Variants in LAMP1 observed in about 807,000 individuals in gnomAD.
The protein encoded by LAMP1 is lysosome-associated membrane glycoprotein 1.
Under a neutral mutation model 37.5 loss-of-function variants are expected in LAMP1, and 7 were observed. The observed-to-expected ratio is 0.19, with a 90% CI of 0.11 to 0.35. LAMP1 has a LOEUF of 0.35. Ranked by LOEUF, LAMP1 falls within the 10% of genes least tolerant of loss-of-function variation. LAMP1 has a pLI of 1.00. For missense variants in LAMP1, 537 were observed against 552.8 expected (o/e 0.97, Z 0.29); for synonymous variants, 236 against 229.1 (o/e 1.03, Z -0.27).
In LAMP1 at chr13:113,319,788, G is replaced by A. The variant is rs1278637070; in HGVS notation, c.750+132G>A. The A allele has an allele frequency of 4.6e-5, 39 of 846,942 alleles. 1 individual carries two copies. In the Admixed American group the frequency reaches 7.3e-4, roughly 16 times the overall value. The allele number at this position is 846,942 out of a possible 1,614,324, so 52.5% of individuals were successfully genotyped here. On this transcript the variant is annotated intron_variant, in intron 5 of 8. Transcript: ENST00000332556. ...AGGATGGGAGCTTAGCTTGCAGGACGTGACCCTAGAGGACAAGAGCTGGCG... is the reference window on the plus strand; with the variant it reads ...AGGATGGGAGCTTAGCTTGCAGGACATGACCCTAGAGGACAAGAGCTGGCG...
chr13:113,309,580 C>T (rs1475356068), intron 2 of LAMP1, 63 bp from the exon 3 acceptor site: 1 of 1,279,540 alleles, frequency 7.8e-7, no homozygotes, highest in Admixed American at 2.0e-5. Flanking sequence ...CAGAAAATCT[C>T]TTTCTTTGAA....
chr13:113,310,621 A>G lies in LAMP1; in HGVS notation c.404-88A>G, dbSNP rs750707573. The stretch of plus-strand genomic sequence containing the variant: ...AATCTAGAAATCAAGACTGGAATCT[A>G]TAACTGACATCAGGGCTAAAATAAA... On this transcript the variant is annotated intron_variant, in intron 3 of 8. Transcript: ENST00000332556. The G allele has an allele frequency of 9.3e-6, 10 of 1,071,898 alleles. No homozygotes were observed. In the Middle Eastern group the frequency reaches 6.6e-4, roughly 71 times the overall value. 66.4% of individuals were successfully genotyped at this position (1,071,898 alleles called of 1,614,324 possible). A position where few individuals can be genotyped will look rare whatever the true frequency, so the allele number is the denominator to read the frequency against.
intron 4 of LAMP1, among the ~76,000 whole-genome samples, chr13:113,315,906 C>T (rs1435079208): frequency 1.3e-5 from 2 of 151,764 alleles, no homozygotes; most frequent in Non-Finnish European, 2.9e-5. Flanking sequence ...AATTCGAGAC[C>T]AGCCTGGCCA....
intron 4 of LAMP1, among the ~76,000 whole-genome samples, chr13:113,317,717 G>A (rs2042674215): frequency 7.1e-6 from 1 of 141,140 alleles, no homozygotes; most frequent in South Asian, 2.3e-4. Flanking sequence ...TTTTTTTTGA[G>A]ACAGGGTCTC....
intron 1 of LAMP1, among the ~76,000 whole-genome samples, chr13:113,300,376 C>CGTG (rs1171644437): frequency 6.6e-6 from 1 of 150,436 alleles, no homozygotes; most frequent in Non-Finnish European, 1.5e-5. Context: ...ATTCCAGCTA[C>CGTG]GTGGGAGGCT....
rs188346513 is a variant in LAMP1, at chr13:113,313,375, C to T, written c.562+2508C>T. Among the ~76,000 whole-genome samples, 470 of 152,332 alleles carry T rather than the reference C, an allele frequency of 3.1e-3. 17 individuals are homozygous for T. The highest frequency in any genetic ancestry group is 0.024 in the Admixed American group (370 of 15,298). ...TCTTAGGTTTCTGTGTATTCTCTGC[C>T]GCTGCGCATGTACAGCCTTCCTCTG... On this transcript the variant is annotated intron_variant, in intron 4 of 8. Transcript: ENST00000332556.
rs2042614505 is a variant in LAMP1, at chr13:113,308,881, T to TAAAC, written c.184-762_184-761insAAAC. ...TACTTTGATGAACATTAAGTGGTTT[T>TAAAC]CCAGTTGCTCGTTTTGCTTATAGTA... On this transcript the variant is annotated intron_variant, in intron 2 of 8. Transcript: ENST00000332556. Among the ~76,000 whole-genome samples, 5 of 152,328 alleles carry TAAAC rather than the reference T, an allele frequency of 3.3e-5. No individual in the cohort carries two copies. In the South Asian group the frequency reaches 1.0e-3, roughly 32 times the overall value.
At chr13:113,304,353 T>C (rs1329382427) in intron 1 of LAMP1, among the ~76,000 whole-genome samples, 5 of 152,246 alleles carry the variant, frequency 3.3e-5, no homozygotes, top group African/African-American at 1.2e-4. Flanking sequence ...GTGTTAAGTC[T>C]CTGGCGTCTG....
chr13:113,311,867 T>C lies in LAMP1; in HGVS notation c.562+1000T>C, dbSNP rs1305596699. Among the ~76,000 whole-genome samples the C allele has an allele frequency of 2.0e-5, 3 of 152,208 alleles. No homozygotes were observed. The East Asian group carries it at 5.8e-4, about 29-fold the overall frequency. On this transcript the variant is annotated intron_variant, in intron 4 of 8. Transcript: ENST00000332556. ...TCCTGTTACTTTTGAGGAGCTTCTC[T>C]CCCGAGCCTCACAGTCCAGGTCATA...
At position 113,306,558 on chromosome 13, in the gene LAMP1, C is replaced by G. The variant is rs1172407014; in HGVS notation, c.135C>G (p.Asn45Lys). Residue 45 changes from asparagine to lysine, a missense_variant, in exon 2 of 9, where the codon AAC becomes AAG. By Grantham distance (94) the Asn-to-Lys change is moderately conservative (BLOSUM62 0). Coordinates refer to ENST00000332556, the MANE Select transcript of LAMP1 (RefSeq NM_005561.4). ...NGNGTACIMA[N>K]FSAAFSVNYD... ...ACGGGACCGCGTGCATAATGGCCAA[C>G]TTCTCTGCTGCCTTCTCAGTGAACT... is the stretch of plus-strand genomic sequence containing the variant. The G allele has an allele frequency of 1.9e-6, 3 of 1,614,136 alleles. No individual in the cohort carries two copies. In the South Asian group the frequency reaches 3.3e-5, roughly 18 times the overall value.
chr13:113,301,634 AAAAAAAAAAAATATATATATATAT>A lies in LAMP1; in HGVS notation c.61+4141_61+4164del, dbSNP rs1240529269. On this transcript the variant is annotated intron_variant, in intron 1 of 8. Transcript: ENST00000332556. ...TGAGACTCTGTTTCCATTTAAAAAAAAAAAAAAAAAATATATATATATATATATATATATATATATATATATATA... is the reference window on the plus strand; with the variant it reads ...TGAGACTCTGTTTCCATTTAAAAAAAATATATATATATATATATATATATA... Among the ~76,000 whole-genome samples the A allele has an allele frequency of 1.6e-3, 32 of 20,198 alleles. 2 individuals carry two copies. Among genetic ancestry groups the A allele is most frequent in the African/African-American group, 5.6e-3 (32 of 5,702 alleles). 13.3% of individuals were successfully genotyped at this position (20,198 alleles called of 152,430 possible).
rs1555312468 is a variant in LAMP1, at chr13:113,322,352, G to A, written c.1185G>A (p.Leu395=). 3.7e-6 allele frequency: 6 copies of A among 1,613,418 alleles called. No individual in the cohort carries two copies. In the East Asian group the frequency reaches 1.3e-4, roughly 36 times the overall value. Residue 395 remains leucine, a synonymous_variant, in exon 9 of 9, where the codon CTG becomes CTA. Coordinates refer to ENST00000332556, the MANE Select transcript of LAMP1 (RefSeq NM_005561.4). Reference sequence around the variant, plus strand: ...CTGTGGGTGGTGCCCTGGCGGGGCTGGTCCTCATCGTCCTCATCGCCTACC... The same window carrying A: ...CTGTGGGTGGTGCCCTGGCGGGGCTAGTCCTCATCGTCCTCATCGCCTACC... ...PIAVGGALAG[L]VLIVLIAYLV... is the part of the protein sequence containing the mutation.
chr13:113,315,153 A>T (rs1343779195), intron 4 of LAMP1, among the ~76,000 whole-genome samples: 4 of 134,780 alleles, frequency 3.0e-5, no homozygotes, highest in Non-Finnish European at 6.2e-5. Flanking sequence ...CAGTGCGGAG[A>T]TGCCCGTGTG....
Position 113,322,468 on chromosome 13 carries a change from T to C in LAMP1, c.*47T>C. The C allele has an allele frequency of 6.4e-7, 1 of 1,560,448 alleles. No individual in the cohort carries two copies. The highest frequency in any genetic ancestry group is 8.7e-7 in the Non-Finnish European group (1 of 1,147,306). On this transcript the variant is annotated 3_prime_UTR_variant, in exon 9 of 9. Coordinates refer to ENST00000332556, the MANE Select transcript of LAMP1 (RefSeq NM_005561.4). ...AGCTGCAGGGGCCTCTGTTCCTTTC[T>C]CTGGGCTTAGGGTCCTGTCGAAGGG...
At chr13:113,302,807 T>A (rs2042581048) in intron 1 of LAMP1, among the ~76,000 whole-genome samples, 2 of 152,196 alleles carry the variant, frequency 1.3e-5, no homozygotes, top group African/African-American at 4.8e-5. Context: ...TGGCACGTCC[T>A]GTGAGTCAGA....
intron 5 of LAMP1, 42 bp downstream of exon 5, chr13:113,319,698 A>G: frequency 6.3e-7 from 1 of 1,578,616 alleles, no homozygotes; most frequent in Non-Finnish European, 8.7e-7. Context: ...ACGGCACGGT[A>G]GGGCTGGAGC....
rs1383879571 is a variant in LAMP1 at position 113,301,639 on chromosome 13, AAAAAAATATATATAT to A, written c.61+4146_61+4160del. 2.4e-3 allele frequency among the ~76,000 whole-genome samples: 74 copies of A among 31,160 alleles called. 4 individuals are homozygous for A. The highest frequency in any genetic ancestry group is 5.3e-3 in the African/African-American group (67 of 12,534). 20.4% of individuals were successfully genotyped at this position (31,160 alleles called of 152,430 possible). Reference sequence around the variant, plus strand: ...CTCTGTTTCCATTTAAAAAAAAAAAAAAAAAATATATATATATATATATATATATATATATATATA... The same window carrying A: ...CTCTGTTTCCATTTAAAAAAAAAAAAATATATATATATATATATATATATA... On this transcript the variant is annotated intron_variant, in intron 1 of 8. Coordinates refer to ENST00000332556, the MANE Select transcript of LAMP1 (RefSeq NM_005561.4).
Position 113,320,719 on chromosome 13 carries a change from C to T in LAMP1, c.876+249C>T, listed in dbSNP as rs2042693444. ...TGGAGTGGCTGCAGGGGAGGGCATG[C>T]AGGCCGTGCGGCCTTCTGGCTTCAG... On this transcript the variant is annotated intron_variant, in intron 6 of 8. Transcript: ENST00000332556. This position sits in a 1 kb window ranked among gnomAD's most constrained non-coding sequence, Gnocchi z 4.4. 4 of 502,356 alleles carry T rather than the reference C, an allele frequency of 8.0e-6. No individual in the cohort carries two copies. Among genetic ancestry groups the T allele is most frequent in the South Asian group, 2.8e-5 (1 of 36,100 alleles). The allele number at this position is 502,356 out of a possible 1,614,324, so 31.1% of individuals were successfully genotyped here.
intron 1 of LAMP1, among the ~76,000 whole-genome samples, chr13:113,300,507 A>G (rs1376179076): frequency 6.8e-5 from 10 of 147,134 alleles, no homozygotes; most frequent in Non-Finnish European, 1.0e-4. Flanking sequence ...AAAAAAAAAG[A>G]AAAAGAAAAG....
Sources: gnomAD v4.1 joint callset for allele counts (sites outside exome capture counted in the v4.1 genomes callset) on GRCh38, gnomAD v4.1.1 for gene constraint, Gnocchi (gnomAD v3.1) non-coding constraint, MANE v1.5 for transcripts, NCBI Gene and HGNC (gene_info 2026-07-23, HGNC 2026-07-21) for gene names.